CYRIA: variants seen among roughly 807,000 people sequenced by gnomAD.
CYRIA encodes the protein CYFIP related Rac1 interactor A, also known as CYFIP-related Rac1 interactor A.
CYRIA carries 15 observed loss-of-function variants against 43.9 expected under a neutral mutation model. The observed-to-expected ratio is 0.34, with a 90% CI of 0.23 to 0.53. The LOEUF (loss-of-function observed/expected upper bound fraction) is 0.53, where lower values mean the gene tolerates loss of function less well. Among genes scored for constraint, CYRIA ranks in the 20% least tolerant of loss-of-function variants. The pLI is 0.94. For synonymous variants in CYRIA, 117 were observed against 136.0 expected (o/e 0.86, Z 0.97); for missense variants, 236 against 394.2 (o/e 0.60, Z 3.40).
intron 2 of CYRIA, among the ~76,000 whole-genome samples, chr2:16,592,815 A>G (rs1367411060): frequency 2.0e-5 from 3 of 152,188 alleles, no homozygotes; most frequent in Non-Finnish European, 4.4e-5. Flanking sequence ...AAAGAAAAAA[A>G]CAAAAAGCTG....
chr2:16,621,181 T>C (rs1668981804), intron 2 of CYRIA, among the ~76,000 whole-genome samples: 1 of 152,142 alleles, frequency 6.6e-6, no homozygotes, highest in South Asian at 2.1e-4. Flanking sequence ...GAATGAATGA[T>C]CCTCCTTCTA....
At chr2:16,613,216 ATGCATTTTCAGGAG>A (rs1483488735) in intron 2 of CYRIA, among the ~76,000 whole-genome samples, 42 of 152,230 alleles carry the variant, frequency 2.8e-4, no homozygotes, top group Admixed American at 2.2e-3. Context: ...GGAGACTTCC[ATGCATTTTCAGGAG>A]TGCATTTTCA....
In CYRIA at chr2:16,665,352, G is replaced by A. The variant is rs141809687; in HGVS notation, c.-167+428C>T. On this transcript the variant is annotated intron_variant, in intron 1 of 11. Coordinates refer to ENST00000381323, the MANE Select transcript of CYRIA (RefSeq NM_030797.4). ...GTCCAGGTGTGCAGGGGCTGGGGAG[G>A]GGGCCATCCCTCCCTTTGGGGCTGT... Among the ~76,000 whole-genome samples, 969 of 152,070 alleles carry A rather than the reference G, an allele frequency of 6.4e-3. 8 individuals carry two copies. Among genetic ancestry groups the A allele is most frequent in the African/African-American group, 0.022 (903 of 41,470 alleles).
intron 2 of CYRIA, among the ~76,000 whole-genome samples, chr2:16,610,153 T>C (rs1668542198): frequency 6.6e-6 from 1 of 152,222 alleles, no homozygotes; most frequent in African/African-American, 2.4e-5. Flanking sequence ...TAAATACATA[T>C]AGTGTCATCT....
Position 16,550,944 on chromosome 2 carries a change from CTCACCTGGTATGA to C in CYRIA, c.*1979_*1991del, listed in dbSNP as rs1217938946. The C allele has an allele frequency of 6.6e-6, 1 of 152,174 alleles. No individual in the cohort carries two copies. Among genetic ancestry groups the C allele is most frequent in the Admixed American group, 6.5e-5 (1 of 15,270 alleles). The allele number at this position is 152,174 out of a possible 1,614,324, so 9.4% of individuals were successfully genotyped here. A position where few individuals can be genotyped will look rare whatever the true frequency, so the allele number is the denominator to read the frequency against. ...TTAAGATGAATATCTCCTAACTTTC[CTCACCTGGTATGA>C]TCACATATTCTGGCTTCCTCTAAGG... On this transcript the variant is annotated 3_prime_UTR_variant, in exon 12 of 12. Coordinates refer to ENST00000381323, the MANE Select transcript of CYRIA (RefSeq NM_030797.4).
intron 1 of CYRIA, among the ~76,000 whole-genome samples, chr2:16,648,758 A>G (rs894199921): frequency 1.3e-5 from 2 of 152,206 alleles, no homozygotes; most frequent in Non-Finnish European, 2.9e-5. Context: ...TCTACTATAT[A>G]TCAAGAAGAG....
Position 16,552,781 on chromosome 2 carries a change from A to G in CYRIA, c.*155T>C. On this transcript the variant is annotated 3_prime_UTR_variant, in exon 12 of 12. Coordinates refer to ENST00000381323, the MANE Select transcript of CYRIA (RefSeq NM_030797.4). ...AGTCAATTTATGCTCTGCTGGGTTG[A>G]GTCAGTCAGGATACAAATTAAGGTC... The G allele has an allele frequency of 1.7e-6, 1 of 589,128 alleles. No homozygotes were observed. Among genetic ancestry groups the G allele is most frequent in the Non-Finnish European group, 3.0e-6 (1 of 328,588 alleles). 36.5% of individuals were successfully genotyped at this position (589,128 alleles called of 1,614,324 possible).
chr2:16,632,254 C>T (rs145854175), intron 1 of CYRIA, among the ~76,000 whole-genome samples: 7 of 152,330 alleles, frequency 4.6e-5, no homozygotes, highest in African/African-American at 1.4e-4. Context: ...TCTATAAGAG[C>T]TTAACCTAGG....
At chr2:16,655,400 G>A (rs1670084995) in intron 1 of CYRIA, among the ~76,000 whole-genome samples, 1 of 152,232 alleles carries the variant, frequency 6.6e-6, no homozygotes, top group African/African-American at 2.4e-5. Flanking sequence ...CAACAAGTTA[G>A]GCAGAAGGTC....
At chr2:16,561,817 A>T (rs1666744567) in intron 6 of CYRIA, among the ~76,000 whole-genome samples, 188 bp downstream of exon 6, 1 of 152,144 alleles carries the variant, frequency 6.6e-6, no homozygotes, top group Non-Finnish European at 1.5e-5. Context: ...TTCCATATAC[A>T]AATCATCATC....
At chr2:16,568,513 A>G (rs563177301) in intron 3 of CYRIA, among the ~76,000 whole-genome samples, 51 of 152,336 alleles carry the variant, frequency 3.3e-4, no homozygotes, top group Middle Eastern at 3.4e-3. Context: ...GTGTTCTGGT[A>G]GAATAGAATT....
At chr2:16,623,141 C>A (rs950834904) in intron 2 of CYRIA, 1 of 152,122 alleles carries the variant, frequency 6.6e-6, no homozygotes, top group African/African-American at 2.4e-5. Context: ...ACTGGGCCTG[C>A]GTAAGAGAGA....
At chr2:16,575,873 TAAATA>T (rs1478842477) in intron 3 of CYRIA, among the ~76,000 whole-genome samples, 1 of 138,990 alleles carries the variant, frequency 7.2e-6, no homozygotes, top group East Asian at 2.0e-4. Context: ...TAAAAATAAA[TAAATA>T]AAATAAATAA....
intron 1 of CYRIA, among the ~76,000 whole-genome samples, chr2:16,654,273 G>A (rs766728610): frequency 2.8e-4 from 42 of 152,076 alleles, no homozygotes; most frequent in African/African-American, 4.1e-4. Flanking sequence ...TTCTTCCATC[G>A]AATGACACAT....
Position 16,561,992 on chromosome 2 carries a change from C to A in CYRIA, c.435+13G>T, listed in dbSNP as rs1220344044. 1 of 1,608,788 alleles carries A rather than the reference C, an allele frequency of 6.2e-7. No homozygotes were observed. On this transcript the variant is annotated intron_variant, in intron 6 of 11. Transcript: ENST00000381323. ...ACAAGTTTATTAAATTTTCACAGCA[C>A]ATTTGGCCTAACCTTCAGCTCATCG...
chr2:16,660,578 T>C (rs1055576181), intron 1 of CYRIA, among the ~76,000 whole-genome samples: 9 of 152,204 alleles, frequency 5.9e-5, no homozygotes, highest in African/African-American at 1.4e-4. Context: ...GTCATATTGA[T>C]CACTGTATCC....
intron 2 of CYRIA, among the ~76,000 whole-genome samples, chr2:16,621,174 TG>T (rs1230175849): frequency 3.3e-5 from 5 of 152,190 alleles, no homozygotes; most frequent in Admixed American, 3.3e-4. Context: ...ATCTGCTGAA[TG>T]AATGATCCTC....
chr2:16,591,796 C>G (rs1667940570), intron 2 of CYRIA, among the ~76,000 whole-genome samples: 1 of 152,088 alleles, frequency 6.6e-6, no homozygotes, highest in South Asian at 2.1e-4. Context: ...GGACTTTAAT[C>G]TGAGTATCTG....
In CYRIA at chr2:16,590,068, G is replaced by GCACACACACA. The variant is rs70961461; in HGVS notation, c.-10-1949_-10-1940dup. Among the ~76,000 whole-genome samples the GCACACACACA allele has an allele frequency of 1.9e-3, 285 of 147,806 alleles. 1 individual carries two copies. Among genetic ancestry groups the GCACACACACA allele is most frequent in the African/African-American group, 6.7e-3 (270 of 40,578 alleles). On this transcript the variant is annotated intron_variant, in intron 2 of 11. Transcript: ENST00000381323. ...TGTAGGAATATATTTGGGCATGCATGCACACACACACACACACACACACAC... is the reference window on the plus strand; with the variant it reads ...TGTAGGAATATATTTGGGCATGCATGCACACACACACACACACACACACACACACACACAC...
Sources: gnomAD v4.1 joint callset for allele counts (sites outside exome capture counted in the v4.1 genomes callset) on GRCh38, gnomAD v4.1.1 for gene constraint, MANE v1.5 for transcripts, NCBI Gene and HGNC (gene_info 2026-07-23, HGNC 2026-07-21) for gene names.